The following SORBS2 variants were observed in gnomAD, a reference collection of about 807,000 sequenced individuals.
SORBS2 encodes sorbin and SH3 domain-containing protein 2.
Under a neutral mutation model 97.7 loss-of-function variants are expected in SORBS2, and 46 were observed. The ratio of observed to expected loss-of-function variants is 0.47; its 90% CI spans 0.37 to 0.60. SORBS2 has a LOEUF of 0.60. SORBS2 is among the 20% of genes least tolerant of loss of function. SORBS2 has a pLI of 0.00. For missense variants in SORBS2, 1,316 were observed against 1,282.3 expected (o/e 1.03, Z -0.40); for synonymous variants, 476 against 473.4 (o/e 1.01, Z -0.07).
intron 1 of SORBS2, among the ~76,000 whole-genome samples, chr4:185,863,299 A>G (rs2099224941): frequency 2.2e-5 from 1 of 45,424 alleles, no homozygotes; most frequent in African/African-American, 1.1e-4. Flanking sequence ...ACTGAGGTTG[A>G]AAAAGAGATA....
At chr4:185,729,961 C>T (rs965746198) in intron 2 of SORBS2, among the ~76,000 whole-genome samples, 39 of 150,904 alleles carry the variant, frequency 2.6e-4, no homozygotes, top group African/African-American at 9.2e-4. Context: ...TTTCTTTTTT[C>T]TTTTTTTTTG....
chr4:185,646,375 A>G, intron 4 of SORBS2: 1 of 232,030 alleles, frequency 4.3e-6, no homozygotes, highest in South Asian at 1.5e-4. Context: ...GTGCATACAC[A>G]TGTGTATATA....
At chr4:185,714,974 T>G (rs1484589595) in intron 2 of SORBS2, among the ~76,000 whole-genome samples, 1 of 152,192 alleles carries the variant, frequency 6.6e-6, no homozygotes, top group East Asian at 1.9e-4. Context: ...TATAAAGAAA[T>G]AAGCAACTGT....
At chr4:185,731,850 CTCTCTCTCTCTCTCTCTATATATATA>C (rs2098637018) in intron 2 of SORBS2, among the ~76,000 whole-genome samples, 3 of 31,820 alleles carry the variant, frequency 9.4e-5, no homozygotes, top group African/African-American at 3.9e-4. Flanking sequence ...CTCTCTCTCT[CTCTCTCTCTCTCTCTCTATATATATA>C]TATATATATA....
chr4:185,860,085 A>G (rs934237780), intron 1 of SORBS2, among the ~76,000 whole-genome samples: 1 of 152,252 alleles, frequency 6.6e-6, no homozygotes, highest in Middle Eastern at 3.2e-3. Flanking sequence ...AAGCAGGTGC[A>G]GGTTCCAGAA....
At chr4:185,629,415 T>C (rs2096869101) in intron 5 of SORBS2, among the ~76,000 whole-genome samples, 1 of 152,078 alleles carries the variant, frequency 6.6e-6, no homozygotes, top group African/African-American at 2.4e-5. Flanking sequence ...CAATTTATGA[T>C]TGACCCAATT....
Position 185,607,455 on chromosome 4 carries a change from G to T in SORBS2, c.2796+4325C>A. 4.3e-6 allele frequency: 2 copies of T among 468,996 alleles called. No individual in the cohort carries two copies. Among genetic ancestry groups the T allele is most frequent in the Non-Finnish European group, 7.1e-6 (2 of 281,098 alleles). The allele number at this position is 468,996 out of a possible 1,614,324, so 29.1% of individuals were successfully genotyped here. ...AGAAATGCAGAAAAGATGCGGTGGT[G>T]AATATGAAAATAATTTTATGTTTAA... On this transcript the variant is annotated intron_variant, in intron 12 of 14. Transcript: ENST00000418609. The surrounding 1 kb of genome is among the most constrained non-coding windows in gnomAD (Gnocchi z 5.2).
chr4:185,587,418 C>A (rs1554046686), exon 15 of SORBS2: 1 of 557,688 alleles, frequency 1.8e-6, no homozygotes, highest in Non-Finnish European at 3.2e-6. Flanking sequence ...TAGGAATCCA[C>A]ACTTTCACGG....
intron 1 of SORBS2, among the ~76,000 whole-genome samples, chr4:185,935,686 C>G (rs536471510): frequency 6.6e-6 from 1 of 152,218 alleles, no homozygotes; most frequent in South Asian, 2.1e-4. Flanking sequence ...AAACCTAGAA[C>G]GGTGGGCTGT....
chr4:185,868,522 G>A (rs1278019978), intron 1 of SORBS2, among the ~76,000 whole-genome samples: 1 of 152,056 alleles, frequency 6.6e-6, no homozygotes, highest in Non-Finnish European at 1.5e-5. Context: ...TTAGTGCTAG[G>A]TTGAGGGGCG....
exon 15 of SORBS2, chr4:185,587,429 A>C (rs1376210409): frequency 1.7e-6 from 1 of 580,430 alleles, no homozygotes; most frequent in African/African-American, 1.9e-5. Context: ...ACTTTCACGG[A>C]GGGGGACCAG....
intron 2 of SORBS2, among the ~76,000 whole-genome samples, chr4:185,703,595 G>C (rs1289321140): frequency 6.6e-6 from 1 of 152,112 alleles, no homozygotes; most frequent in Non-Finnish European, 1.5e-5. Context: ...CAATAGCATG[G>C]GAAGTACAAT....
chr4:185,637,601 C>T (rs2097037867), intron 4 of SORBS2, among the ~76,000 whole-genome samples: 1 of 152,132 alleles, frequency 6.6e-6, no homozygotes. Context: ...TTACTTAACC[C>T]CTCCAGTCCC....
intron 2 of SORBS2, among the ~76,000 whole-genome samples, chr4:185,703,502 C>T (rs973951587): frequency 6.6e-6 from 1 of 152,176 alleles, no homozygotes; most frequent in Admixed American, 6.5e-5. Flanking sequence ...ACTAAAAGAT[C>T]TAAGCAGACT....
intron 4 of SORBS2, chr4:185,638,903 G>A (rs1394357893): frequency 6.7e-7 from 1 of 1,484,898 alleles, no homozygotes; most frequent in South Asian, 1.3e-5. Flanking sequence ...GCCGGGGCGC[G>A]CGAGCTTGGT....
At chr4:185,939,788 G>A (rs1238697618) in intron 1 of SORBS2, among the ~76,000 whole-genome samples, 1 of 152,120 alleles carries the variant, frequency 6.6e-6, no homozygotes, top group Non-Finnish European at 1.5e-5. Context: ...GGGATTACAG[G>A]CATGAGCTAC....
chr4:185,676,864 G>C, intron 4 of SORBS2: 1 of 695,080 alleles, frequency 1.4e-6, no homozygotes, highest in Non-Finnish European at 2.3e-6. Flanking sequence ...ATTGGAAAAT[G>C]GTTTCTTTCT....
intron 13 of SORBS2, among the ~76,000 whole-genome samples, chr4:185,590,756 T>C (rs2095907132): frequency 6.6e-6 from 1 of 152,176 alleles, no homozygotes; most frequent in Admixed American, 6.5e-5. Flanking sequence ...CTGGTGTTTT[T>C]GGAAAATGAA....
intron 6 of SORBS2, among the ~76,000 whole-genome samples, chr4:185,625,743 T>A (rs13101996): frequency 0.015 from 2,229 of 152,302 alleles, 22 homozygotes; most frequent in Middle Eastern, 0.034. Flanking sequence ...CCCTGAACCA[T>A]CAGCTGATAT....
Sources: gnomAD v4.1 joint callset for allele counts (sites outside exome capture counted in the v4.1 genomes callset) on GRCh38, gnomAD v4.1.1 for gene constraint, Gnocchi (gnomAD v3.1) non-coding constraint, MANE v1.5 for transcripts, NCBI Gene and HGNC (gene_info 2026-07-23, HGNC 2026-07-21) for gene names.